FER1L5: variants seen among roughly 807,000 people sequenced by gnomAD.
FER1L5 encodes fer-1-like protein 5.
FER1L5 carries 187 observed loss-of-function variants against 279.9 expected under a neutral mutation model. The observed-to-expected ratio is 0.67, with a 90% CI of 0.59 to 0.75. The LOEUF is 0.75. Among genes scored for constraint, FER1L5 ranks in the 30% least tolerant of loss-of-function variants. FER1L5 has a pLI of 0.00. For missense variants in FER1L5, 2,091 were observed against 2,594.4 expected (o/e 0.81, Z 4.21); for synonymous variants, 921 against 989.7 (o/e 0.93, Z 1.30).
chr2:96,649,825 T>A, intron 5 of FER1L5, 148 bp downstream of exon 5: 1 of 756,004 alleles, frequency 1.3e-6, no homozygotes, highest in Non-Finnish European at 2.2e-6. Flanking sequence ...AGCTACAGGG[T>A]CTAGATGCCA....
At chr2:96,675,826 T>C (rs2076491153) in intron 19 of FER1L5, among the ~76,000 whole-genome samples, 1 of 152,238 alleles carries the variant, frequency 6.6e-6, no homozygotes, top group Admixed American at 6.5e-5. Context: ...TTTCACCATG[T>C]TGCCCAGGCT....
At chr2:96,673,328 G>C (rs1339095068) in intron 19 of FER1L5, 74 bp downstream of exon 19, 10 of 1,390,512 alleles carry the variant, frequency 7.2e-6, no homozygotes. Context: ...TCTCTCAGGG[G>C]TATTAGCTCA....
intron 15 of FER1L5, 35 bp from the exon 16 acceptor site, chr2:96,668,851 C>CG: frequency 6.4e-7 from 1 of 1,551,544 alleles, no homozygotes; most frequent in Non-Finnish European, 8.7e-7. Context: ...AGAGCTGGGC[C>CG]GGGGGCTCAG....
At chr2:96,699,024 C>T in intron 41 of FER1L5, 21 bp from the exon 42 acceptor site, 2 of 1,597,072 alleles carry the variant, frequency 1.3e-6, no homozygotes, top group East Asian at 2.3e-5. Flanking sequence ...CTATCCTTCC[C>T]CCACTTGTAT....
At chr2:96,652,299 A>G in intron 7 of FER1L5, 1 of 440,286 alleles carries the variant, frequency 2.3e-6, no homozygotes, top group Non-Finnish European at 4.2e-6. Flanking sequence ...GAGTATTGCT[A>G]TTGGAGGTTC....
chr2:96,670,108 G>T lies in FER1L5; in HGVS notation c.1363-11G>T, dbSNP rs909939025. On this transcript the variant is annotated splice_polypyrimidine_tract_variant and intron_variant, in intron 17 of 52. Transcript: ENST00000624922. Reference sequence around the variant, plus strand: ...CACCCCTTTTCTCCGTTTTCCTCTCGCTTGCCCTAGTGTATTCCCGACTCT... The same window carrying T: ...CACCCCTTTTCTCCGTTTTCCTCTCTCTTGCCCTAGTGTATTCCCGACTCT... 1 of 1,551,338 alleles carries T rather than the reference G, an allele frequency of 6.4e-7. No individual in the cohort carries two copies. The highest frequency in any genetic ancestry group is 8.7e-7 in the Non-Finnish European group (1 of 1,146,868).
At position 96,660,419 on chromosome 2, in the gene FER1L5, G is replaced by A. The variant is rs1302231531; in HGVS notation, c.778+48G>A. The A allele has an allele frequency of 2.6e-6, 4 of 1,535,202 alleles. No individual in the cohort carries two copies. In the East Asian group the frequency reaches 9.8e-5, roughly 38 times the overall value. ...ATGTATGTCTTCTGAGAAAAATCAG[G>A]CCAAGGGTCAGAATATCTTAAAATC... On this transcript the variant is annotated intron_variant, in intron 10 of 52. Coordinates refer to ENST00000624922, the MANE Select transcript of FER1L5 (RefSeq NM_001293083.2).
In FER1L5 at chr2:96,670,107, C is replaced by T. The variant is rs1006292136; in HGVS notation, c.1363-12C>T. 5 of 1,551,380 alleles carry T rather than the reference C, an allele frequency of 3.2e-6. No individual in the cohort carries two copies. Among genetic ancestry groups the T allele is most frequent in the South Asian group, 1.2e-5 (1 of 84,044 alleles). ...TCACCCCTTTTCTCCGTTTTCCTCTCGCTTGCCCTAGTGTATTCCCGACTC... is the reference window on the plus strand; with the variant it reads ...TCACCCCTTTTCTCCGTTTTCCTCTTGCTTGCCCTAGTGTATTCCCGACTC... On this transcript the variant is annotated splice_polypyrimidine_tract_variant and intron_variant, in intron 17 of 52. Coordinates refer to ENST00000624922, the MANE Select transcript of FER1L5 (RefSeq NM_001293083.2).
At chr2:96,692,723 A>G (rs967419459) in intron 31 of FER1L5, among the ~76,000 whole-genome samples, 2 of 152,096 alleles carry the variant, frequency 1.3e-5, no homozygotes, top group Non-Finnish European at 2.9e-5. Context: ...GTTTCAGGAG[A>G]CAAGCCATGT....
chr2:96,698,529 C>G lies in FER1L5; in HGVS notation c.4357-142C>G. 1 of 718,950 alleles carries G rather than the reference C, an allele frequency of 1.4e-6. No homozygotes were observed. The highest frequency in any genetic ancestry group is 2.7e-5 in the East Asian group (1 of 37,062). The allele number at this position is 718,950 out of a possible 1,614,324, so 44.5% of individuals were successfully genotyped here. A position where few individuals can be genotyped will look rare whatever the true frequency, so the allele number is the denominator to read the frequency against. On this transcript the variant is annotated intron_variant, in intron 40 of 52. Coordinates refer to ENST00000624922, the MANE Select transcript of FER1L5 (RefSeq NM_001293083.2). This position sits in a 1 kb window ranked among gnomAD's most constrained non-coding sequence, Gnocchi z 5.5. ...TGCTGAACACCTTCTGTACCTGCCT[C>G]CACTGTCCTCATGGCCTTCTATCCC...
chr2:96,691,149 G>A lies in FER1L5; in HGVS notation c.2744-41G>A, dbSNP rs774327301. The A allele has an allele frequency of 3.6e-5, 54 of 1,513,088 alleles. No homozygotes were observed. The highest frequency in any genetic ancestry group is 1.9e-4 in the South Asian group (15 of 79,578). The allele number at this position is 1,513,088 out of a possible 1,614,324, so 93.7% of individuals were successfully genotyped here. A position where few individuals can be genotyped will look rare whatever the true frequency, so the allele number is the denominator to read the frequency against. On this transcript the variant is annotated intron_variant, in intron 27 of 52. Transcript: ENST00000624922. This position sits in a 1 kb window ranked among gnomAD's most constrained non-coding sequence, Gnocchi z 6.0. ...GGTTTGTCCAGGCCTCCCAACCTGCGGGCACCTGAGGACTCAGAGGCCATG... is the reference window on the plus strand; with the variant it reads ...GGTTTGTCCAGGCCTCCCAACCTGCAGGCACCTGAGGACTCAGAGGCCATG...
intron 6 of FER1L5, among the ~76,000 whole-genome samples, chr2:96,651,245 T>TTCTTTCTTTC (rs1342810481): frequency 1.6e-5 from 1 of 62,264 alleles, no homozygotes; most frequent in Admixed American, 1.6e-4. Flanking sequence ...TTCTCTTTCT[T>TTCTTTCTTTC]TCTTTCTTTC....
At chr2:96,676,320 C>A (rs997880714) in intron 19 of FER1L5, among the ~76,000 whole-genome samples, 3 of 152,030 alleles carry the variant, frequency 2.0e-5, no homozygotes, top group Admixed American at 2.0e-4. Flanking sequence ...TACAGGCATG[C>A]GCCACCATGC....
At chr2:96,660,642 C>T (rs1397779949) in intron 10 of FER1L5, among the ~76,000 whole-genome samples, 4 of 152,186 alleles carry the variant, frequency 2.6e-5, no homozygotes, top group Non-Finnish European at 4.4e-5. Flanking sequence ...GCTATCTCTG[C>T]CTACTGGCTT....
intron 31 of FER1L5, among the ~76,000 whole-genome samples, chr2:96,692,500 A>T (rs2153289282): frequency 6.6e-6 from 1 of 152,296 alleles, no homozygotes; most frequent in South Asian, 2.1e-4. Context: ...GTGCTGTGGA[A>T]TTAGAAGTGG....
intron 7 of FER1L5, 128 bp downstream of exon 7, chr2:96,652,148 TCTA>T: frequency 7.6e-7 from 1 of 1,313,066 alleles, no homozygotes. Flanking sequence ...TTACTGAGTG[TCTA>T]CTGAGGGCCA....
intron 6 of FER1L5, among the ~76,000 whole-genome samples, chr2:96,651,459 T>G (rs1370420105): frequency 6.7e-6 from 1 of 149,740 alleles, no homozygotes; most frequent in African/African-American, 2.5e-5. Context: ...TTCTTTCTTT[T>G]CCTTCCTCCG....
chr2:96,687,744 C>T, intron 23 of FER1L5, 72 bp from the exon 24 acceptor site: 1 of 1,535,162 alleles, frequency 6.5e-7, no homozygotes, highest in Non-Finnish European at 8.8e-7. Flanking sequence ...AGGTACAGCC[C>T]ACTTGGGGGG....
chr2:96,646,495 A>G (rs1274957667), intron 2 of FER1L5, 42 bp downstream of exon 2: 1 of 1,545,136 alleles, frequency 6.5e-7, no homozygotes, highest in African/African-American at 1.4e-5. Context: ...TAACAACCCC[A>G]ACAGCAAGGG....
Sources: gnomAD v4.1 joint callset for allele counts (sites outside exome capture counted in the v4.1 genomes callset) on GRCh38, gnomAD v4.1.1 for gene constraint, Gnocchi (gnomAD v3.1) non-coding constraint, MANE v1.5 for transcripts, NCBI Gene and HGNC (gene_info 2026-07-23, HGNC 2026-07-21) for gene names.